Variants in RBFOX2 observed in about 807,000 individuals in gnomAD.
RBFOX2 encodes RNA binding protein fox-1 homolog 2.
A neutral mutation model predicts 49.1 loss-of-function variants in RBFOX2; 10 were observed. That is an observed-to-expected ratio of 0.20 (90% CI 0.13 to 0.35). RBFOX2 has a LOEUF of 0.35. Among genes scored for constraint, RBFOX2 ranks in the 10% least tolerant of loss-of-function variants. The pLI is 1.00. For synonymous variants in RBFOX2, 183 were observed against 187.4 expected (o/e 0.98, Z 0.19); for missense variants, 323 against 486.9 (o/e 0.66, Z 3.17).
At position 35,946,099 on chromosome 22, in the gene RBFOX2, C is replaced by T. The variant is rs183185028; in HGVS notation, c.43-7202G>A. On this transcript the variant is annotated intron_variant, in intron 1 of 5. Transcript: ENST00000408983. ...TCTTGAAGATTATCTTTGAAACACA[C>T]CAAAATTTCTTCAATAGTGGTCGCA... 4.6e-3 allele frequency among the ~76,000 whole-genome samples: 703 copies of T among 152,174 alleles called. 1 individual carries two copies. The highest frequency in any genetic ancestry group is 7.0e-3 in the Non-Finnish European group (473 of 68,004).
chr22:35,977,718 T>A (rs1216459668), intron 1 of RBFOX2, among the ~76,000 whole-genome samples: 2 of 85,978 alleles, frequency 2.3e-5, no homozygotes, highest in East Asian at 3.6e-4. Flanking sequence ...TATACCTGAA[T>A]GAACTATATA....
At chr22:35,781,978 T>A (rs1945244199) in intron 2 of RBFOX2, among the ~76,000 whole-genome samples, 1 of 152,200 alleles carries the variant, frequency 6.6e-6, no homozygotes, top group South Asian at 2.1e-4. Context: ...ATTTATAGTA[T>A]GCTAACAAAA....
At chr22:35,946,075 C>G (rs1353764119) in intron 1 of RBFOX2, among the ~76,000 whole-genome samples, 1 of 152,088 alleles carries the variant, frequency 6.6e-6, no homozygotes, top group African/African-American at 2.4e-5. Context: ...TTACTGGGTT[C>G]TTGAAGATTA....
At chr22:35,884,092 G>A (rs980469407) in intron 1 of RBFOX2, among the ~76,000 whole-genome samples, 1 of 146,884 alleles carries the variant, frequency 6.8e-6, no homozygotes, top group African/African-American at 2.5e-5. Context: ...ACACCTCCCA[G>A]GCTCAGGTGA....
chr22:35,863,414 A>C (rs889635003), intron 1 of RBFOX2, among the ~76,000 whole-genome samples: 1 of 152,182 alleles, frequency 6.6e-6, no homozygotes, highest in African/African-American at 2.4e-5. Flanking sequence ...ACAGTACCGA[A>C]AAACAATAAG....
At chr22:35,794,348 AAAG>A (rs1179543984) in intron 2 of RBFOX2, among the ~76,000 whole-genome samples, 1 of 152,160 alleles carries the variant, frequency 6.6e-6, no homozygotes, top group Admixed American at 6.5e-5. Context: ...CTCAGCTGTA[AAAG>A]AAGATGCTTT....
chr22:35,740,841 T>C (rs1370103379), exon 12 of RBFOX2: 1 of 152,200 alleles, frequency 6.6e-6, no homozygotes, highest in East Asian at 1.9e-4. Flanking sequence ...ATGGTAGTGA[T>C]TAACCCACTT....
intron 1 of RBFOX2, among the ~76,000 whole-genome samples, chr22:35,830,533 C>A (rs1475032346): frequency 6.6e-6 from 1 of 152,202 alleles, no homozygotes; most frequent in East Asian, 1.9e-4. Flanking sequence ...AGTGTACTTA[C>A]ACAAATTTAG....
At chr22:36,028,463 C>G (rs2059536607) in exon 1 of RBFOX2, 7 of 1,159,692 alleles carry the variant, frequency 6.0e-6, no homozygotes, top group Non-Finnish European at 6.4e-6. Flanking sequence ...GCCGGGCGAC[C>G]CGCGACAGGC....
rs1396238260 is a variant in RBFOX2, at chr22:35,836,419, T to A, written c.27+3773A>T. 5 of 152,260 alleles carry A rather than the reference T, an allele frequency of 3.3e-5. No homozygotes were observed. The East Asian group carries it at 7.7e-4, about 23-fold the overall frequency. 9.4% of individuals were successfully genotyped at this position (152,260 alleles called of 1,614,324 possible). ...AAGAGCGAACTGGCAGCAGCTCAGG[T>A]GAAAGACTTCAGCCTTCCAGCTACA... On this transcript the variant is annotated intron_variant, in intron 1 of 11. Coordinates refer to ENST00000405409, the Ensembl canonical transcript of RBFOX2.
intron 1 of RBFOX2, among the ~76,000 whole-genome samples, chr22:35,889,982 A>G (rs1456148094): frequency 6.6e-6 from 1 of 152,158 alleles, no homozygotes; most frequent in Non-Finnish European, 1.5e-5. Context: ...AAGATGATAC[A>G]CTGACAAATG....
chr22:35,820,995 G>A (rs1376341438), intron 1 of RBFOX2, among the ~76,000 whole-genome samples: 1 of 152,148 alleles, frequency 6.6e-6, no homozygotes. Context: ...GGGTATGAAG[G>A]AGAAGAAGAC....
chr22:35,969,278 A>C (rs1325530464), intron 1 of RBFOX2, among the ~76,000 whole-genome samples: 1 of 152,216 alleles, frequency 6.6e-6, no homozygotes, highest in African/African-American at 2.4e-5. Flanking sequence ...TTAAAAAAAA[A>C]AGCAGCTTTT....
At chr22:35,846,117 CTA>C (rs1175075367) in intron 1 of RBFOX2, among the ~76,000 whole-genome samples, 1 of 149,850 alleles carries the variant, frequency 6.7e-6, no homozygotes, top group Non-Finnish European at 1.5e-5. Context: ...ATTACATAAA[CTA>C]TATAAGTATA....
intron 1 of RBFOX2, among the ~76,000 whole-genome samples, chr22:35,937,643 T>C (rs890102067): frequency 2.6e-5 from 4 of 152,238 alleles, no homozygotes; most frequent in Non-Finnish European, 2.9e-5. Flanking sequence ...CAGGCTGGAA[T>C]GCAATGGTGT....
chr22:35,887,556 G>A (rs1054755953), intron 1 of RBFOX2, among the ~76,000 whole-genome samples: 6 of 151,994 alleles, frequency 3.9e-5, no homozygotes, highest in African/African-American at 7.3e-5. Flanking sequence ...GGCAAGCATC[G>A]GCCTTACTCC....
chr22:35,937,957 C>T (rs2053283721), intron 1 of RBFOX2, among the ~76,000 whole-genome samples: 1 of 152,142 alleles, frequency 6.6e-6, no homozygotes, highest in African/African-American at 2.4e-5. Flanking sequence ...GGAAAGGACA[C>T]TATGAACTCT....
Position 35,880,221 on chromosome 22 carries a change from G to T in RBFOX2, c.-34+58626C>A, listed in dbSNP as rs115114646. On this transcript the variant is annotated intron_variant, in intron 1 of 13. Coordinates refer to the RBFOX2 transcript ENST00000359369. ...TATTTTTGAAAGGCAGAACCTAAAG[G>T]ATTTGCTAATTAACAGGACCGCAGT... Among the ~76,000 whole-genome samples the T allele has an allele frequency of 2.6e-3, 394 of 152,278 alleles. 4 individuals are homozygous for T. The highest frequency in any genetic ancestry group is 9.2e-3 in the African/African-American group (384 of 41,552).
At chr22:35,885,938 C>G (rs1014226079) in intron 1 of RBFOX2, among the ~76,000 whole-genome samples, 18 of 143,788 alleles carry the variant, frequency 1.3e-4, no homozygotes, top group Non-Finnish European at 2.1e-4. Flanking sequence ...CTCACTGCAA[C>G]CTCCACCTCC....
Sources: gnomAD v4.1 joint callset for allele counts (sites outside exome capture counted in the v4.1 genomes callset) on GRCh38, gnomAD v4.1.1 for gene constraint, MANE v1.5 for transcripts, NCBI Gene and HGNC (gene_info 2026-07-23, HGNC 2026-07-21) for gene names.